Variants in ARL15 observed in about 807,000 individuals in gnomAD.
ARL15 encodes ARF like GTPase 15, also known as ADP-ribosylation factor-like protein 15.
Under a neutral mutation model 25.2 loss-of-function variants are expected in ARL15, and 19 were observed. That is an observed-to-expected ratio of 0.75 (90% CI 0.53 to 1.10). ARL15 has a LOEUF of 1.10. ARL15 is among the 50% of genes least tolerant of loss of function. The pLI, the probability that ARL15 is intolerant of heterozygous loss-of-function variation, is 0.00. For missense variants in ARL15, 220 were observed against 246.0 expected (o/e 0.89, Z 0.71); for synonymous variants, 94 against 86.8 (o/e 1.08, Z -0.46).
chr5:53,942,808 A>G (rs767249649), intron 4 of ARL15, among the ~76,000 whole-genome samples: 17 of 152,278 alleles, frequency 1.1e-4, no homozygotes, highest in Middle Eastern at 3.4e-3. Flanking sequence ...ATATGAGTGT[A>G]GGTGGAGAAG....
chr5:53,981,038 A>G (rs1748101098), intron 4 of ARL15, among the ~76,000 whole-genome samples: 1 of 152,174 alleles, frequency 6.6e-6, no homozygotes, highest in Admixed American at 6.5e-5. Context: ...AGAGGGAATT[A>G]CTGAAGGAAC....
At chr5:54,171,992 A>C (rs970059934) in intron 1 of ARL15, 64 bp from the exon 2 acceptor site, 4 of 1,556,444 alleles carry the variant, frequency 2.6e-6, no homozygotes, top group African/African-American at 1.4e-5. Flanking sequence ...CCATAGTCAC[A>C]TTTAAAATGA....
chr5:54,008,235 T>C (rs79603741), intron 4 of ARL15, among the ~76,000 whole-genome samples: 2,580 of 152,032 alleles, frequency 0.017, 90 homozygotes, highest in African/African-American at 0.058. Context: ...AAGACAGAAA[T>C]AGTGAGAAAA....
intron 4 of ARL15, chr5:53,887,347 C>T: frequency 1.4e-6 from 1 of 700,608 alleles, no homozygotes; most frequent in Non-Finnish European, 2.6e-6. Flanking sequence ...TGCGTAAAAT[C>T]TTCTACCTTT....
In ARL15 at chr5:54,245,854, C is replaced by CTGAGA. The variant is rs541365078; in HGVS notation, c.48+64573_48+64577dup. ...CCACCCACCTCGGCCTTCCAAAGTG[C>CTGAGA]TGAGATTACGGGCACGAGCCACTGT... On this transcript the variant is annotated intron_variant, in intron 1 of 4. Transcript: ENST00000504924. Among the ~76,000 whole-genome samples the CTGAGA allele has an allele frequency of 3.0e-4, 45 of 152,258 alleles. No homozygotes were observed. The South Asian group carries it at 9.3e-3, about 32-fold the overall frequency.
chr5:53,962,605 G>C (rs932272274), intron 4 of ARL15, among the ~76,000 whole-genome samples: 2 of 151,988 alleles, frequency 1.3e-5, no homozygotes, highest in South Asian at 2.1e-4. Flanking sequence ...CTCTATGCAA[G>C]GATTGATCAG....
chr5:53,937,813 A>G (rs1231211504), intron 4 of ARL15, among the ~76,000 whole-genome samples: 1 of 142,446 alleles, frequency 7.0e-6, no homozygotes, highest in Non-Finnish European at 1.5e-5. Context: ...TCAGGGGTAC[A>G]CTATGAAATG....
intron 4 of ARL15, among the ~76,000 whole-genome samples, chr5:53,989,841 G>T (rs148676306): frequency 0.011 from 1,700 of 152,286 alleles, 31 homozygotes; most frequent in African/African-American, 0.039. Context: ...TATGCAAAAG[G>T]CACTTTGAAT....
chr5:53,963,004 G>T (rs972872176), intron 4 of ARL15, among the ~76,000 whole-genome samples: 1 of 152,046 alleles, frequency 6.6e-6, no homozygotes, highest in Non-Finnish European at 1.5e-5. Context: ...CTGGCACCTC[G>T]ATAGTACCAC....
At chr5:54,240,219 T>G (rs1170305066) in intron 1 of ARL15, among the ~76,000 whole-genome samples, 1 of 131,026 alleles carries the variant, frequency 7.6e-6, no homozygotes, top group Non-Finnish European at 1.6e-5. Flanking sequence ...AGAGCGAGAC[T>G]CCATCTCAAA....
intron 1 of ARL15, among the ~76,000 whole-genome samples, chr5:54,259,137 TATTCATCAGG>T: frequency 6.6e-6 from 1 of 152,210 alleles, no homozygotes; most frequent in South Asian, 2.1e-4. Context: ...TTGGACCCAG[TATTCATCAGG>T]CCTCTAAACA....
intron 4 of ARL15, among the ~76,000 whole-genome samples, chr5:54,051,165 G>A (rs79602434): frequency 0.051 from 7,830 of 152,224 alleles, 677 homozygotes; most frequent in African/African-American, 0.18. Context: ...TGGCACATGC[G>A]TCAAGTCTCC....
chr5:54,153,317 GAATTA>G (rs1561244747), intron 3 of ARL15, among the ~76,000 whole-genome samples: 1 of 151,820 alleles, frequency 6.6e-6, no homozygotes, highest in African/African-American at 2.4e-5. Context: ...TTTCTTTTTT[GAATTA>G]AATTAAATTA....
At chr5:54,057,921 A>C (rs904004424) in intron 4 of ARL15, among the ~76,000 whole-genome samples, 1 of 152,134 alleles carries the variant, frequency 6.6e-6, no homozygotes, top group Non-Finnish European at 1.5e-5. Flanking sequence ...TAATATATGA[A>C]GATCTCAAGA....
chr5:53,990,244 T>C (rs200354334), intron 4 of ARL15, among the ~76,000 whole-genome samples: 1 of 84,174 alleles, frequency 1.2e-5, no homozygotes, highest in African/African-American at 3.8e-5. Context: ...AAAAAAAAAA[T>C]AGTTAAAAAA....
At chr5:54,170,316 C>T (rs765747364) in intron 2 of ARL15, among the ~76,000 whole-genome samples, 2 of 152,122 alleles carry the variant, frequency 1.3e-5, no homozygotes, top group Non-Finnish European at 2.9e-5. Flanking sequence ...CTTCTGCCTC[C>T]GCCTCCAACT....
At chr5:54,168,737 A>G (rs1268006942) in intron 2 of ARL15, among the ~76,000 whole-genome samples, 6 of 152,098 alleles carry the variant, frequency 3.9e-5, no homozygotes, top group Non-Finnish European at 8.8e-5. Context: ...CTTACCCATC[A>G]TATGAGACCC....
chr5:53,935,205 T>G (rs914803236), intron 4 of ARL15, among the ~76,000 whole-genome samples: 1 of 152,232 alleles, frequency 6.6e-6, no homozygotes, highest in African/African-American at 2.4e-5. Flanking sequence ...ACTTGTTTCA[T>G]GGAAAACATA....
chr5:54,179,854 C>G (rs1345717502), intron 1 of ARL15, among the ~76,000 whole-genome samples: 1 of 151,774 alleles, frequency 6.6e-6, no homozygotes, highest in Admixed American at 6.6e-5. Flanking sequence ...CCCGTCTCTA[C>G]TAAAAATACA....
Sources: gnomAD v4.1 joint callset for allele counts (sites outside exome capture counted in the v4.1 genomes callset) on GRCh38, gnomAD v4.1.1 for gene constraint, MANE v1.5 for transcripts, NCBI Gene and HGNC (gene_info 2026-07-23, HGNC 2026-07-21) for gene names.